APOOL: variants seen among roughly 807,000 people sequenced by gnomAD.
APOOL encodes the protein apolipoprotein O like.
A neutral mutation model predicts 23.1 loss-of-function variants in APOOL; 12 were observed. The ratio of observed to expected loss-of-function variants is 0.52; its 90% CI spans 0.33 to 0.84. The LOEUF is 0.84. Among genes scored for constraint, APOOL ranks in the 40% least tolerant of loss-of-function variants. The pLI is 0.02. For missense variants in APOOL, 212 were observed against 199.6 expected, an observed-to-expected ratio of 1.06 and a Z score of -0.37; for synonymous variants, 77 against 69.9, an observed-to-expected ratio of 1.10 and a Z score of -0.51.
chrX:85,042,481 TG>T (rs1330568749), intron 1 of APOOL, among the ~76,000 whole-genome samples: 2 of 111,898 alleles, frequency 1.8e-5, no homozygotes, highest in Non-Finnish European at 3.8e-5. Flanking sequence ...AGGAAAAGCC[TG>T]GGACTTGATG....
intron 1 of APOOL, among the ~76,000 whole-genome samples, chrX:85,024,990 C>T (rs1342861228): frequency 8.9e-6 from 1 of 111,811 alleles, no homozygotes; most frequent in African/African-American, 3.3e-5. Context: ...TAAAGAAATA[C>T]CTGAGACTGG....
rs187105844 is a variant in APOOL at position 85,092,167 on chromosome X, T to C, written c.*4489T>C. ...CTAAGTATAAGTGACTTTTAAATTA[T>C]CTGCTCTTTTGGATTATCACTACTG... On this transcript the variant is annotated 3_prime_UTR_variant, in exon 9 of 9. Coordinates refer to ENST00000373173, the MANE Select transcript of APOOL (RefSeq NM_198450.6). 58 of 325,338 alleles carry C rather than the reference T, an allele frequency of 1.8e-4. No individual in the cohort carries two copies. The highest frequency in any genetic ancestry group is 4.7e-4 in the Admixed American group (9 of 19,015). 26.8% of individuals were successfully genotyped at this position (325,338 alleles called of 1,213,427 possible).
intron 8 of APOOL, among the ~76,000 whole-genome samples, chrX:85,084,296 C>T (rs185009760): frequency 9.2e-6 from 1 of 109,086 alleles, no homozygotes; most frequent in East Asian, 2.9e-4. Flanking sequence ...CCACCAAACC[C>T]AGCTAATTTT....
At chrX:85,028,545 T>C (rs1168118262) in intron 1 of APOOL, among the ~76,000 whole-genome samples, 2 of 111,356 alleles carry the variant, frequency 1.8e-5, no homozygotes, top group African/African-American at 3.3e-5. Context: ...AGGAGTCCAG[T>C]TGCACTCCTT....
chrX:85,056,057 T>C (rs1922953795), intron 5 of APOOL, 132 bp downstream of exon 5: 1 of 412,190 alleles, frequency 2.4e-6, no homozygotes, highest in Non-Finnish European at 3.9e-6. Context: ...TTAGATTCTG[T>C]ATTACAGCAT....
At chrX:85,067,253 A>ATTTG (rs1923489904) in intron 6 of APOOL, 35 bp downstream of exon 6, 1 of 935,879 alleles carries the variant, frequency 1.1e-6, no homozygotes, top group African/African-American at 2.0e-5. Flanking sequence ...ACATTTCAGT[A>ATTTG]TTTGTTTAAA....
chrX:85,016,315 G>T (rs1210274128), intron 1 of APOOL, among the ~76,000 whole-genome samples: 1 of 107,204 alleles, frequency 9.3e-6, no homozygotes, highest in Non-Finnish European at 1.9e-5. Context: ...GATGAGGGTT[G>T]CTGGGGGAGC....
chrX:85,044,166 A>T (rs938244156), intron 1 of APOOL, among the ~76,000 whole-genome samples: 1 of 111,308 alleles, frequency 9.0e-6, no homozygotes, highest in Admixed American at 9.6e-5. Flanking sequence ...GGCTAGTAGT[A>T]ACCATACTGG....
intron 3 of APOOL, among the ~76,000 whole-genome samples, chrX:85,051,857 A>G (rs1407026208): frequency 2.7e-5 from 3 of 111,985 alleles, no homozygotes; most frequent in Admixed American, 9.5e-5. Context: ...CCTCTCAAGC[A>G]TGGTGATCTC....
At chrX:85,078,407 T>A (rs1482174925) in intron 8 of APOOL, among the ~76,000 whole-genome samples, 2 of 111,397 alleles carry the variant, frequency 1.8e-5, no homozygotes, top group African/African-American at 6.5e-5. Flanking sequence ...TGTAGATGTG[T>A]GGTGTTACTT....
intron 2 of APOOL, among the ~76,000 whole-genome samples, chrX:85,047,960 A>T (rs1244311098): frequency 9.0e-6 from 1 of 111,430 alleles, no homozygotes; most frequent in Admixed American, 9.6e-5. Flanking sequence ...AATTTTCATA[A>T]ATTTTTGGAA....
chrX:85,008,535 T>TTTGTGTGTGTG (rs778983009), intron 1 of APOOL, among the ~76,000 whole-genome samples: 31 of 86,138 alleles, frequency 3.6e-4, no homozygotes, highest in Admixed American at 1.3e-3. Context: ...TGATAACCCG[T>TTTGTGTGTGTG]TGTGTGTGTG....
intron 1 of APOOL, among the ~76,000 whole-genome samples, chrX:85,016,004 T>C (rs1401190931): frequency 9.0e-6 from 1 of 111,114 alleles, no homozygotes; most frequent in Non-Finnish European, 1.9e-5. Context: ...GTTATATTTG[T>C]GGTGTGTGGG....
At position 85,008,535 on chromosome X, in the gene APOOL, T is replaced by TTTG. The variant is rs778983009; in HGVS notation, c.15+4609_15+4610insTGT. On this transcript the variant is annotated intron_variant, in intron 1 of 8. Transcript: ENST00000373173. ...TTTTTTATGGTTGAATGATAACCCG[T>TTTG]TGTGTGTGTGTGTGTGTGTGTGTGT... 1.8e-3 allele frequency among the ~76,000 whole-genome samples: 155 copies of TTTG among 86,137 alleles called. 3 individuals are homozygous for TTTG. The East Asian group carries it at 0.018, about 10-fold the overall frequency. The allele number at this position is 86,137 out of a possible 115,157, so 74.8% of individuals were successfully genotyped here. A position where few individuals can be genotyped will look rare whatever the true frequency, so the allele number is the denominator to read the frequency against.
At chrX:85,068,571 A>G (rs1923555230) in intron 6 of APOOL, among the ~76,000 whole-genome samples, 1 of 107,907 alleles carries the variant, frequency 9.3e-6, no homozygotes, top group Non-Finnish European at 1.9e-5. Flanking sequence ...ACGTCCAGCT[A>G]ATTTTTGTAT....
At chrX:85,014,651 A>G (rs1237608766) in intron 1 of APOOL, among the ~76,000 whole-genome samples, 1 of 110,400 alleles carries the variant, frequency 9.1e-6, no homozygotes, top group Non-Finnish European at 1.9e-5. Flanking sequence ...TAGGACCCCA[A>G]TTCCTTCTGG....
chrX:85,077,285 G>T (rs1241987978), intron 8 of APOOL, among the ~76,000 whole-genome samples: 2 of 105,561 alleles, frequency 1.9e-5, no homozygotes, highest in Non-Finnish European at 3.9e-5. Flanking sequence ...AGGCCCCTGT[G>T]TATGATGTTC....
intron 1 of APOOL, among the ~76,000 whole-genome samples, chrX:85,026,220 T>C (rs771579472): frequency 3.5e-5 from 4 of 113,336 alleles, no homozygotes; most frequent in African/African-American, 1.3e-4. Flanking sequence ...CCAGGGCCCC[T>C]TTGGGCCATG....
In APOOL at chrX:85,041,762, G is replaced by A. The variant is rs758190242; in HGVS notation, c.16-4684G>A. 3.3e-4 allele frequency among the ~76,000 whole-genome samples: 37 copies of A among 111,276 alleles called. 1 individual carries two copies. Among genetic ancestry groups the A allele is most frequent in the Non-Finnish European group, 5.7e-5 (3 of 53,016 alleles). On this transcript the variant is annotated intron_variant, in intron 1 of 8. Transcript: ENST00000373173. ...GATCTCCTGTGTCCAGGACTGCAAA[G>A]GTTCATGGCATAAGTGTGAGTGTCT...
Sources: gnomAD v4.1 joint callset for allele counts (sites outside exome capture counted in the v4.1 genomes callset) on GRCh38, gnomAD v4.1.1 for gene constraint, MANE v1.5 for transcripts, NCBI Gene and HGNC (gene_info 2026-07-23, HGNC 2026-07-21) for gene names.